FBXL18: variants seen among roughly 807,000 people sequenced by gnomAD.
FBXL18 encodes F-box/LRR-repeat protein 18.
In FBXL18, 36 loss-of-function variants were observed where a neutral mutation model predicts 46.0. The ratio of observed to expected loss-of-function variants is 0.78; its 90% CI spans 0.60 to 1.03. The LOEUF (loss-of-function observed/expected upper bound fraction) is 1.03, where lower values mean the gene tolerates loss of function less well. Among genes scored for constraint, FBXL18 ranks in the 50% least tolerant of loss-of-function variants. The probability of loss-of-function intolerance (pLI) is 0.00; values close to 1 mark genes in which losing one functional copy is unlikely to be tolerated. For missense variants in FBXL18, 977 were observed against 1,004.1 expected (o/e 0.97, Z 0.36); for synonymous variants, 557 against 465.3 (o/e 1.20, Z -2.54).
chr7:5,457,931 G>C (rs2128230597), intron 4 of FBXL18, among the ~76,000 whole-genome samples: 1 of 152,356 alleles, frequency 6.6e-6, no homozygotes, highest in East Asian at 1.9e-4. Flanking sequence ...CTCTCAGCGA[G>C]AGCGCTGCCA....
At chr7:5,490,034 G>C (rs535242564) in intron 4 of FBXL18, 1 of 1,330,644 alleles carries the variant, frequency 7.5e-7, no homozygotes, top group South Asian at 1.2e-5. Context: ...ACCAGAGAGG[G>C]GGAAACCCCA....
At chr7:5,458,181 T>G (rs1483014432) in intron 4 of FBXL18, among the ~76,000 whole-genome samples, 1 of 152,100 alleles carries the variant, frequency 6.6e-6, no homozygotes, top group Admixed American at 6.6e-5. Flanking sequence ...GGACAGTCAG[T>G]TGTTTCTGGG....
At chr7:5,493,686 T>TGC (rs143753665) in intron 3 of FBXL18, among the ~76,000 whole-genome samples, 35,275 of 143,834 alleles carry the variant, frequency 0.25, 4,785 homozygotes, top group Non-Finnish European at 0.29. Context: ...CGTGCGTGCG[T>TGC]GTGTGTGTGT....
rs1783600666 is a variant in FBXL18 at position 5,480,010 on chromosome 7, C to T, written c.*1765G>A. On this transcript the variant is annotated 3_prime_UTR_variant, in exon 5 of 5. Coordinates refer to ENST00000382368, the MANE Select transcript of FBXL18 (RefSeq NM_024963.6). Reference sequence around the variant, plus strand: ...GGCAGCCTGCACAGGAGGGCTGTACCTCCCCACAGCTCTGACCCCAGTTCT... The same window carrying T: ...GGCAGCCTGCACAGGAGGGCTGTACTTCCCCACAGCTCTGACCCCAGTTCT... Among the ~76,000 whole-genome samples the T allele has an allele frequency of 6.6e-6, 1 of 152,160 alleles. No individual in the cohort carries two copies. Among genetic ancestry groups the T allele is most frequent in the East Asian group, 1.9e-4 (1 of 5,190 alleles).
chr7:5,494,958 G>A (rs1784037546), intron 3 of FBXL18, among the ~76,000 whole-genome samples: 1 of 152,236 alleles, frequency 6.6e-6, no homozygotes, highest in Non-Finnish European at 1.5e-5. Context: ...TCAGGATGTG[G>A]CAGGCCCACG....
At chr7:5,490,242 A>G (rs1783886773) in intron 4 of FBXL18, 2 of 1,307,326 alleles carry the variant, frequency 1.5e-6, no homozygotes, top group African/African-American at 3.0e-5. Flanking sequence ...CAGGGCGTTC[A>G]TGTCCTGCTG....
At chr7:5,468,768 CTTTT>C (rs1398331825) in intron 4 of FBXL18, among the ~76,000 whole-genome samples, 1 of 151,904 alleles carries the variant, frequency 6.6e-6, no homozygotes, top group Non-Finnish European at 1.5e-5. Flanking sequence ...GACGGGCTAA[CTTTT>C]TAGTTTTTGT....
chr7:5,507,557 C>T (rs1469451528), intron 1 of FBXL18, among the ~76,000 whole-genome samples: 4 of 152,118 alleles, frequency 2.6e-5, no homozygotes, highest in African/African-American at 7.2e-5. Flanking sequence ...AGAACAAGGC[C>T]GGGCATGGTG....
In FBXL18 at chr7:5,505,623, G is replaced by C. The variant is rs750452747; in HGVS notation, c.26C>G (p.Ser9Cys). Residue 9 changes from serine to cysteine, a missense_variant, in exon 2 of 5, where the codon TCC becomes TGC. Coordinates refer to ENST00000382368, the MANE Select transcript of FBXL18 (RefSeq NM_024963.6). Reference protein sequence around the residue: MASSGEDISNDDDDMHPAA... With the variant: MASSGEDICNDDDDMHPAA... ...AGGGTGCATGTCATCATCATCATTG[G>C]ATATGTCCTGAAAATAAGGGGGACA... 4.3e-6 allele frequency: 7 copies of C among 1,613,648 alleles called. No individual in the cohort carries two copies. In the Admixed American group the frequency reaches 1.0e-4, roughly 23 times the overall value.
intron 3 of FBXL18, among the ~76,000 whole-genome samples, chr7:5,495,657 G>A (rs1432887557): frequency 6.6e-6 from 1 of 152,190 alleles, no homozygotes; most frequent in Non-Finnish European, 1.5e-5. Flanking sequence ...AGAGACTCCG[G>A]CCGCCCCAGG....
chr7:5,454,807 A>T (rs1213725244), intron 4 of FBXL18, among the ~76,000 whole-genome samples: 1 of 152,182 alleles, frequency 6.6e-6, no homozygotes, highest in Non-Finnish European at 1.5e-5. Context: ...ACGGAGGAGA[A>T]GGCGTCCCCA....
In FBXL18 at chr7:5,476,379, T is replaced by C. The variant is rs1177744397; in HGVS notation, c.*5396A>G. The C allele has an allele frequency of 2.0e-5, 3 of 152,022 alleles. No homozygotes were observed. Among genetic ancestry groups the C allele is most frequent in the Non-Finnish European group, 4.4e-5 (3 of 67,986 alleles). The allele number at this position is 152,022 out of a possible 1,614,324, so 9.4% of individuals were successfully genotyped here. A position where few individuals can be genotyped will look rare whatever the true frequency, so the allele number is the denominator to read the frequency against. On this transcript the variant is annotated 3_prime_UTR_variant, in exon 5 of 5. Transcript: ENST00000382368. Reference sequence around the variant, plus strand: ...AAAAGCCTCCCGGGACCAACCCTCATTCCCAGGTCCACTGATCTGGGGTAG... The same window carrying C: ...AAAAGCCTCCCGGGACCAACCCTCACTCCCAGGTCCACTGATCTGGGGTAG...
In FBXL18 at chr7:5,481,562, G is replaced by A. The variant is rs1161746019; in HGVS notation, c.*213C>T. The A allele has an allele frequency of 1.9e-6, 1 of 518,600 alleles. No homozygotes were observed. The highest frequency in any genetic ancestry group is 2.0e-5 in the African/African-American group (1 of 50,224). 32.1% of individuals were successfully genotyped at this position (518,600 alleles called of 1,614,324 possible). On this transcript the variant is annotated 3_prime_UTR_variant, in exon 5 of 5. Transcript: ENST00000382368. ...TCGACCGTCCCCCGAGCCCCCTCAT[G>A]TCACCCAGAACGCATCCCCTCGACC...
At chr7:5,465,377 G>A (rs1400929275) in intron 4 of FBXL18, among the ~76,000 whole-genome samples, 3 of 151,796 alleles carry the variant, frequency 2.0e-5, no homozygotes. Flanking sequence ...ATTTTTGTAT[G>A]TTTAGTCGAG....
At chr7:5,500,217 G>A (rs563261317) in intron 3 of FBXL18, among the ~76,000 whole-genome samples, 17 of 152,140 alleles carry the variant, frequency 1.1e-4, no homozygotes, top group Non-Finnish European at 2.2e-4. Context: ...GTCCTGAGAC[G>A]ATTTCACAGG....
At chr7:5,493,001 G>A (rs556165944) in intron 3 of FBXL18, among the ~76,000 whole-genome samples, 2 of 152,270 alleles carry the variant, frequency 1.3e-5, no homozygotes, top group South Asian at 2.1e-4. Context: ...AGCAGAAGGC[G>A]CCACAGGCAT....
chr7:5,478,786 A>C lies in FBXL18; in HGVS notation c.*2989T>G, dbSNP rs1783575671. The C allele has an allele frequency of 6.6e-6, 1 of 151,948 alleles. No homozygotes were observed. Among genetic ancestry groups the C allele is most frequent in the African/African-American group, 2.4e-5 (1 of 41,290 alleles). 9.4% of individuals were successfully genotyped at this position (151,948 alleles called of 1,614,324 possible). ...CGCAGGCACATGTACACACAGGCAC[A>C]CGTGCACGCAGGCACACGCATGCAG... On this transcript the variant is annotated 3_prime_UTR_variant, in exon 5 of 5. Coordinates refer to ENST00000382368, the MANE Select transcript of FBXL18 (RefSeq NM_024963.6).
chr7:5,513,641 C>T lies in FBXL18; in HGVS notation c.18+16G>A. 1 of 1,612,008 alleles carries T rather than the reference C, an allele frequency of 6.2e-7. No homozygotes were observed. The highest frequency in any genetic ancestry group is 8.5e-7 in the Non-Finnish European group (1 of 1,179,074). On this transcript the variant is annotated intron_variant, in intron 1 of 4. Transcript: ENST00000382368. ...CGCCGAGGCAGAAGCAGAGCGGAGA[C>T]AGTCGCGGACAGTACCTCTCCGGAG...
intron 3 of FBXL18, among the ~76,000 whole-genome samples, chr7:5,500,146 C>T (rs4075747): frequency 0.93 from 140,220 of 151,174 alleles, 65,127 homozygotes; most frequent in African/African-American, 0.98. Context: ...GGCCTGGGTT[C>T]GAATCCTGCC....
Sources: gnomAD v4.1 joint callset for allele counts (sites outside exome capture counted in the v4.1 genomes callset) on GRCh38, gnomAD v4.1.1 for gene constraint, MANE v1.5 for transcripts, NCBI Gene and HGNC (gene_info 2026-07-23, HGNC 2026-07-21) for gene names.